Variants in SLC4A9 observed in about 807,000 individuals in gnomAD.
SLC4A9 encodes the protein solute carrier family 4 member 9, also known as anion exchange protein 4.
A neutral mutation model predicts 103.2 loss-of-function variants in SLC4A9; 102 were observed. The observed-to-expected ratio is 0.99, with a 90% confidence interval of 0.84 to 1.17. The LOEUF is 1.17. SLC4A9 is among the 50% of genes most tolerant of loss of function. The pLI is 0.00. For synonymous variants in SLC4A9, 453 were observed against 483.6 expected (o/e 0.94, Z 0.83); for missense variants, 1,091 against 1,193.7 (o/e 0.91, Z 1.27).
At position 140,360,361 on chromosome 5, in the gene SLC4A9, A is replaced by G. The variant is rs1387038116; in HGVS notation, c.125A>G (p.Asp42Gly). 1 of 1,610,448 alleles carries G rather than the reference A, an allele frequency of 6.2e-7. No homozygotes were observed. The highest frequency in any genetic ancestry group is 1.1e-5 in the South Asian group (1 of 90,278). ...GTGPSPDGPS[D>G]TESKELGVPK... ...GGCCCCAGCCCTGATGGCCCCTCAG[A>G]CACAGAGAGCAAGGAACTGGGAGTA... is the stretch of plus-strand genomic sequence containing the variant. The change falls in exon 1 of 22, where the codon GAC becomes GGC. Residue 42 changes from aspartate (D) to glycine (G), a missense_variant. Transcript: ENST00000506757.
chr5:140,368,891 T>A lies in SLC4A9; in HGVS notation c.2427+232T>A, dbSNP rs543166850. 6.7e-4 allele frequency among the ~76,000 whole-genome samples: 102 copies of A among 152,184 alleles called. No individual in the cohort carries two copies. The Middle Eastern group carries it at 0.014, about 20-fold the overall frequency. On this transcript the variant is annotated intron_variant, in intron 17 of 21. Coordinates refer to ENST00000506757, the MANE Select transcript of SLC4A9 (RefSeq NM_031467.3). ...TGCAAGAGCCCATCAAAAGAGCCAG[T>A]TTTTCAGATCTGTCTGAGAACTCAA... is the stretch of plus-strand genomic sequence containing the variant.
chr5:140,363,483 G>A lies in SLC4A9; in HGVS notation c.1007G>A (p.Arg336His), dbSNP rs1227074366. The change falls in exon 8 of 22, where the codon CGC becomes CAC. Residue 336 changes from arginine to histidine, a missense_variant. Physicochemically the swap from Arg to His is conservative, Grantham distance 29. Transcript: ENST00000506757. This position sits in a 1 kb window ranked among gnomAD's most constrained non-coding sequence, Gnocchi z 4.5. ...QREIRGPAVP[R>H]LTSAEDRHRH... Reference sequence around the variant, plus strand: ...GAGATCAGAGGTCCCGCCGTCCCGCGCCTGACCTCGGCTGAGGACAGGCAC... The same window carrying A: ...GAGATCAGAGGTCCCGCCGTCCCGCACCTGACCTCGGCTGAGGACAGGCAC... The A allele has an allele frequency of 3.2e-6, 5 of 1,551,300 alleles. No homozygotes were observed. In the Admixed American group the frequency reaches 7.8e-5, roughly 24 times the overall value.
intron 18 of SLC4A9, 30 bp from the exon 19 acceptor site, chr5:140,371,421 C>G (rs756300051): frequency 2.4e-5 from 38 of 1,612,998 alleles, no homozygotes; most frequent in Non-Finnish European, 2.8e-5. Context: ...ACCTGAGTGC[C>G]CTGCTTTCCT....
In SLC4A9 at chr5:140,363,605, G is replaced by A. The variant is rs1468029418; in HGVS notation, c.1079+50G>A. 2.6e-6 allele frequency: 4 copies of A among 1,555,644 alleles called. No individual in the cohort carries two copies. The African/African-American group carries it at 5.4e-5, about 21-fold the overall frequency. On this transcript the variant is annotated intron_variant, in intron 8 of 21. Transcript: ENST00000506757. This position sits in a 1 kb window ranked among gnomAD's most constrained non-coding sequence, Gnocchi z 4.5. ...GGGTAGGTGACCTGGGGGAGGGGAGGAGTCACAGGGAAACTGAGGTGTGTG... is the reference window on the plus strand; with the variant it reads ...GGGTAGGTGACCTGGGGGAGGGGAGAAGTCACAGGGAAACTGAGGTGTGTG...
chr5:140,364,484 G>A lies in SLC4A9; in HGVS notation c.1510G>A (p.Glu504Lys). The change falls in exon 11 of 22, where the codon GAG becomes AAG. Residue 504 changes from glutamate (E) to lysine (K), a missense_variant. Transcript: ENST00000506757. ...GGTGCGCTACTTCACCCGCTTCACTGAGGAAGGTTTCTGTGCCCTCATCAG... is the reference window on the plus strand; with the variant it reads ...GGTGCGCTACTTCACCCGCTTCACTAAGGAAGGTTTCTGTGCCCTCATCAG... ...VLVRYFTRFT[E>K]EGFCALISLI... The A allele has an allele frequency of 6.2e-7, 1 of 1,612,722 alleles. No individual in the cohort carries two copies. Among genetic ancestry groups the A allele is most frequent in the Non-Finnish European group, 8.5e-7 (1 of 1,179,270 alleles).
At position 140,371,069 on chromosome 5, in the gene SLC4A9, G is replaced by C. The variant is rs751306177; in HGVS notation, c.2428-26G>C. The C allele has an allele frequency of 5.0e-6, 8 of 1,599,466 alleles. No individual in the cohort carries two copies. The Admixed American group carries it at 1.4e-4, about 28-fold the overall frequency. On this transcript the variant is annotated intron_variant, in intron 17 of 21. Coordinates refer to ENST00000506757, the MANE Select transcript of SLC4A9 (RefSeq NM_031467.3). ...TGGGAGGTTGGCAGAGGTAAACTTT[G>C]ATAACTCTCTGCTTCTTTCTACCAG... is the stretch of plus-strand genomic sequence containing the variant.
chr5:140,360,932 A>G lies in SLC4A9; in HGVS notation c.351A>G (p.Val117=), dbSNP rs539960519. 1.9e-6 allele frequency: 3 copies of G among 1,598,046 alleles called. No homozygotes were observed. Among genetic ancestry groups the G allele is most frequent in the Admixed American group, 1.7e-5 (1 of 57,604 alleles). Residue 117 remains valine (V), a synonymous_variant, in exon 2 of 22, where the codon GTA becomes GTG. Transcript: ENST00000506757. The part of the protein sequence containing the change: ...KLRSLLAEGL[V]LLDCPAQSLL... ...GCAGCCTGCTGGCCGAGGGCCTTGT[A>G]CTGCTGGACTGCCCAGCTCAGAGCC...
At chr5:140,369,739 C>T (rs955811003) in intron 17 of SLC4A9, among the ~76,000 whole-genome samples, 3 of 152,032 alleles carry the variant, frequency 2.0e-5, no homozygotes, top group Non-Finnish European at 4.4e-5. Flanking sequence ...TGGTGGCTCA[C>T]ACCTGTAATC....
In SLC4A9 at chr5:140,365,564, G is replaced by A. The variant is rs567925040; in HGVS notation, c.1696G>A (p.Asp566Asn). 5.6e-6 allele frequency: 9 copies of A among 1,612,160 alleles called. No homozygotes were observed. Among genetic ancestry groups the A allele is most frequent in the East Asian group, 2.2e-5 (1 of 44,852 alleles). ...AAGGACAAGGCCAAAAGACAGAGAC[G>A]ACATTGTAAGCATGGTGAGGGACTG... ...WIRTRPKDRDDIVSMDLGLIN... is the reference protein window; with the variant it reads ...WIRTRPKDRDNIVSMDLGLIN... Residue 566 changes from aspartate to asparagine, a missense_variant, in exon 12 of 22, where the codon GAC (aspartate) becomes AAC (asparagine). Coordinates refer to ENST00000506757, the MANE Select transcript of SLC4A9 (RefSeq NM_031467.3).
chr5:140,361,407 G>A, intron 3 of SLC4A9, 40 bp downstream of exon 3: 1 of 1,477,878 alleles, frequency 6.8e-7, no homozygotes, highest in East Asian at 2.5e-5. Context: ...AGACCCTGGT[G>A]TGGCAGGGTC....
At position 140,367,432 on chromosome 5, in the gene SLC4A9, G is replaced by A. The variant is rs1174282955; in HGVS notation, c.2026G>A (p.Gly676Arg). The change falls in exon 15 of 22, where the codon GGG becomes AGG. Residue 676 changes from glycine to arginine, a missense_variant. Transcript: ENST00000506757. ...TGCCCTCCTCCAGCCCACACTCCCTGGGCGTGGCTGGCTGGTGTCACCTTT... is the reference window on the plus strand; with the variant it reads ...TGCCCTCCTCCAGCCCACACTCCCTAGGCGTGGCTGGCTGGTGTCACCTTT... Reference protein sequence around the residue: ...VPREFKPTLPGRGWLVSPFGA... With the variant: ...VPREFKPTLPRRGWLVSPFGA... 1 of 1,611,860 alleles carries A rather than the reference G, an allele frequency of 6.2e-7. No homozygotes were observed. Among genetic ancestry groups the A allele is most frequent in the Non-Finnish European group, 8.5e-7 (1 of 1,179,198 alleles).
intron 21 of SLC4A9, among the ~76,000 whole-genome samples, chr5:140,374,377 T>C (rs13184340): frequency 0.4 from 61,059 of 151,272 alleles, 13,099 homozygotes; most frequent in East Asian, 0.55. Context: ...CTGGCCAACA[T>C]GGTGAAACCC....
At chr5:140,364,959 C>T (rs1449040294) in intron 11 of SLC4A9, among the ~76,000 whole-genome samples, 1 of 152,144 alleles carries the variant, frequency 6.6e-6, no homozygotes, top group Non-Finnish European at 1.5e-5. Context: ...GGGAGTAGAG[C>T]TAAATACATA....
chr5:140,362,837 T>C, intron 6 of SLC4A9, 75 bp from the exon 7 acceptor site: 1 of 1,571,064 alleles, frequency 6.4e-7, no homozygotes, highest in Non-Finnish European at 8.8e-7. Flanking sequence ...TGTGTCTGTC[T>C]AGTTTTGAGA....
intron 10 of SLC4A9, 64 bp downstream of exon 10, chr5:140,364,251 G>C (rs757074805): frequency 6.4e-7 from 1 of 1,574,458 alleles, no homozygotes; most frequent in African/African-American, 1.3e-5. Flanking sequence ...TCCTGGCTGG[G>C]TGAATAGGAG....
intron 16 of SLC4A9, 139 bp from the exon 17 acceptor site, chr5:140,368,448 T>A: frequency 1.6e-6 from 1 of 618,256 alleles, no homozygotes; most frequent in Non-Finnish European, 2.8e-6. Flanking sequence ...TAAGGGCTCA[T>A]CCCTCTGGGT....
intron 17 of SLC4A9, among the ~76,000 whole-genome samples, chr5:140,370,347 C>T (rs908552508): frequency 6.6e-6 from 1 of 150,786 alleles, no homozygotes; most frequent in South Asian, 2.1e-4. Context: ...GCCTATAATC[C>T]CAGCTACTTG....
intron 20 of SLC4A9, 85 bp downstream of exon 20, chr5:140,372,482 C>G: frequency 6.4e-7 from 1 of 1,560,808 alleles, no homozygotes; most frequent in Non-Finnish European, 8.6e-7. Flanking sequence ...TAAATAATAT[C>G]TCCAGTAAGC....
chr5:140,365,972 T>C lies in SLC4A9; in HGVS notation c.1849T>C (p.Phe617Leu). 2 of 1,614,044 alleles carry C rather than the reference T, an allele frequency of 1.2e-6. No homozygotes were observed. Among genetic ancestry groups the C allele is most frequent in the Non-Finnish European group, 1.7e-6 (2 of 1,179,898 alleles). ...SLLLFLTSFF[F>L]AMALKCVKTS... ...TCTCCTCTTCCTTACTTCTTTCTTC[T>C]TTGCTATGGCCCTCAAGTGTGTAAA... The change falls in exon 13 of 22, where the codon TTT (phenylalanine) becomes CTT (leucine). Residue 617 changes from phenylalanine (F) to leucine (L), a missense_variant. Physicochemically the swap from Phe to Leu is conservative, Grantham distance 22. Coordinates refer to ENST00000506757, the MANE Select transcript of SLC4A9 (RefSeq NM_031467.3).
Sources: gnomAD v4.1 joint callset for allele counts (sites outside exome capture counted in the v4.1 genomes callset) on GRCh38, gnomAD v4.1.1 for gene constraint, Gnocchi (gnomAD v3.1) non-coding constraint, MANE v1.5 for transcripts, NCBI Gene and HGNC (gene_info 2026-07-23, HGNC 2026-07-21) for gene names.